The following PCDHGB5 variants were observed in gnomAD, a reference collection of about 807,000 sequenced individuals.
The protein encoded by PCDHGB5 is protocadherin gamma subfamily B, 5.
In PCDHGB5, 48 loss-of-function variants were observed where a neutral mutation model predicts 62.9. The ratio of observed to expected loss-of-function variants is 0.76; its 90% CI spans 0.61 to 0.97. PCDHGB5 has a LOEUF of 0.97. Among genes scored for constraint, PCDHGB5 ranks in the 50% least tolerant of loss-of-function variants. PCDHGB5 has a pLI of 0.00. For missense variants in PCDHGB5, 1,118 were observed against 1,198.6 expected, an observed-to-expected ratio of 0.93 and a Z score of 0.99; for synonymous variants, 474 against 511.2, an observed-to-expected ratio of 0.93 and a Z score of 0.98.
rs1490431965 is a variant in PCDHGB5, at chr5:141,398,469, G to A, written c.342G>A (p.Leu114=). The A allele has an allele frequency of 6.2e-7, 1 of 1,604,084 alleles. No individual in the cohort carries two copies. The highest frequency in any genetic ancestry group is 1.7e-5 in the Admixed American group (1 of 59,704). Residue 114 remains leucine (L), a synonymous_variant, in exon 1 of 4, where the codon CTG becomes CTA. Transcript: ENST00000617380. ...LEFEAVAENP[L]NFYHVNVEIE... ...TTGAGGCTGTTGCTGAAAATCCACT[G>A]AACTTTTATCACGTGAATGTGGAGA...
chr5:141,409,629 C>T (rs1379627250), intron 1 of PCDHGB5: 3 of 1,613,860 alleles, frequency 1.9e-6, no homozygotes, highest in East Asian at 4.5e-5. Flanking sequence ...CAAGTGAGCG[C>T]CTCTGACCCG....
At chr5:141,446,766 C>T (rs1335326278) in intron 1 of PCDHGB5, among the ~76,000 whole-genome samples, 7 of 152,208 alleles carry the variant, frequency 4.6e-5, no homozygotes, top group East Asian at 3.9e-4. Context: ...CGCGCCCAGC[C>T]GGTTACCATT....
chr5:141,424,655 TTTAA>T (rs1162406206), intron 1 of PCDHGB5: 3 of 152,238 alleles, frequency 2.0e-5, no homozygotes, highest in Non-Finnish European at 4.4e-5. Flanking sequence ...GTATTTGGAC[TTTAA>T]TTAAACTGAT....
intron 2 of PCDHGB5, among the ~76,000 whole-genome samples, chr5:141,500,182 A>T (rs1050067271): frequency 4.6e-5 from 6 of 131,718 alleles, no homozygotes; most frequent in African/African-American, 1.9e-4. Context: ...CTTCATTTTT[A>T]TTTTTATTTA....
At chr5:141,449,280 C>G (rs934214922) in intron 1 of PCDHGB5, among the ~76,000 whole-genome samples, 1 of 151,944 alleles carries the variant, frequency 6.6e-6, no homozygotes, top group East Asian at 1.9e-4. Context: ...CTCCTTCACC[C>G]GGATGCACCG....
Position 141,399,953 on chromosome 5 carries a change from A to G in PCDHGB5, c.1826A>G (p.Glu609Gly), listed in dbSNP as rs1257117587. ...TCCTACCACGTGCTGCAGGCTAGCGAGCCCGGGCTCTTCAGCCTGGGGCTG... is the reference window on the plus strand; with the variant it reads ...TCCTACCACGTGCTGCAGGCTAGCGGGCCCGGGCTCTTCAGCCTGGGGCTG... ...WLSYHVLQAS[E>G]PGLFSLGLRT... The change falls in exon 1 of 4, where the codon GAG (glutamate) becomes GGG (glycine). Residue 609 changes from glutamate to glycine, a missense_variant. Physicochemically the swap from Glu to Gly is moderately conservative, Grantham distance 98 (BLOSUM62 -2). This residue lies in a region of PCDHGB5 where 1,034 missense variants were observed against 1,029.1 expected (regional missense o/e 1.00). Coordinates refer to ENST00000617380, the MANE Select transcript of PCDHGB5 (RefSeq NM_018925.3). The G allele has an allele frequency of 2.5e-5, 40 of 1,612,030 alleles. 1 individual carries two copies. Among genetic ancestry groups the G allele is most frequent in the Non-Finnish European group, 3.4e-5 (40 of 1,179,690 alleles).
chr5:141,404,628 C>T (rs1183309479), intron 1 of PCDHGB5: 2 of 1,614,100 alleles, frequency 1.2e-6, no homozygotes, highest in Non-Finnish European at 1.7e-6. Flanking sequence ...AATGACAATG[C>T]CCCAGAAATC....
Position 141,491,349 on chromosome 5 carries a change from C to G in PCDHGB5, c.2398-3458C>G. 6.2e-7 allele frequency: 1 copy of G among 1,614,168 alleles called. No individual in the cohort carries two copies. Among genetic ancestry groups the G allele is most frequent in the Non-Finnish European group, 8.5e-7 (1 of 1,180,016 alleles). ...TTGTGGCTCTAGCGACCGTCAGTCT[C>G]TTATCCCTAGTCACCTTCACCTTTC... is the stretch of plus-strand genomic sequence containing the variant. On this transcript the variant is annotated intron_variant, in intron 1 of 3. Transcript: ENST00000617380. The surrounding 1 kb of genome is among the most constrained non-coding windows in gnomAD (Gnocchi z 6.9).
rs1376914747 is a variant in PCDHGB5, at chr5:141,432,008, A to T, written c.2397+31484A>T. On this transcript the variant is annotated intron_variant, in intron 1 of 3. Coordinates refer to ENST00000617380, the MANE Select transcript of PCDHGB5 (RefSeq NM_018925.3). This position sits in a 1 kb window ranked among gnomAD's most constrained non-coding sequence, Gnocchi z 6.0. ...AGTCTTGGATAGGGAACAGGTTCCT[A>T]GCTACAACATCACAGTGACCGCCAC... 1 of 1,614,200 alleles carries T rather than the reference A, an allele frequency of 6.2e-7. No homozygotes were observed. The highest frequency in any genetic ancestry group is 2.2e-5 in the East Asian group (1 of 44,888).
chr5:141,423,678 G>A (rs1161093615), intron 1 of PCDHGB5: 3 of 1,496,158 alleles, frequency 2.0e-6, no homozygotes, highest in Non-Finnish European at 2.7e-6. Flanking sequence ...TTATTTCTCT[G>A]CCTCCTAATT....
At chr5:141,452,887 C>T (rs1000136303) in intron 1 of PCDHGB5, among the ~76,000 whole-genome samples, 1 of 152,174 alleles carries the variant, frequency 6.6e-6, no homozygotes, top group Non-Finnish European at 1.5e-5. Flanking sequence ...ATAATTTATT[C>T]CACTTTTATT....
At chr5:141,453,042 A>G (rs2098754438) in intron 1 of PCDHGB5, among the ~76,000 whole-genome samples, 1 of 152,116 alleles carries the variant, frequency 6.6e-6, no homozygotes, top group Non-Finnish European at 1.5e-5. Context: ...GTTTGTTTCT[A>G]TTATGTGCAG....
At chr5:141,429,613 G>A (rs1374650357) in intron 1 of PCDHGB5, among the ~76,000 whole-genome samples, 2 of 152,084 alleles carry the variant, frequency 1.3e-5, no homozygotes, top group African/African-American at 2.4e-5. Flanking sequence ...TCAATTTTAT[G>A]TCTGATATTT....
intron 1 of PCDHGB5, among the ~76,000 whole-genome samples, chr5:141,455,250 A>C (rs1016027355): frequency 2.0e-5 from 3 of 152,172 alleles, no homozygotes; most frequent in Non-Finnish European, 2.9e-5. Flanking sequence ...GTCATAGTAC[A>C]ATCGCATTTC....
rs537087639 is a variant in PCDHGB5 at position 141,510,502 on chromosome 5, G to A, written c.2546-445G>A. 3.3e-5 allele frequency among the ~76,000 whole-genome samples: 5 copies of A among 152,296 alleles called. No homozygotes were observed. The South Asian group carries it at 6.2e-4, about 19-fold the overall frequency. ...CTTGAGAAAGCCAGGGCAAGGAACTGAGAGCCCGTGTCACAGCCCTGAGAG... is the reference window on the plus strand; with the variant it reads ...CTTGAGAAAGCCAGGGCAAGGAACTAAGAGCCCGTGTCACAGCCCTGAGAG... On this transcript the variant is annotated intron_variant, in intron 3 of 3. Coordinates refer to ENST00000617380, the MANE Select transcript of PCDHGB5 (RefSeq NM_018925.3).
chr5:141,482,383 G>A (rs1594230401), intron 1 of PCDHGB5, among the ~76,000 whole-genome samples: 2 of 152,240 alleles, frequency 1.3e-5, no homozygotes, highest in East Asian at 3.9e-4. Context: ...TAAAGTCCCT[G>A]TATGGAGCAA....
Position 141,431,674 on chromosome 5 carries a change from G to T in PCDHGB5, c.2397+31150G>T. 6.2e-7 allele frequency: 1 copy of T among 1,614,234 alleles called. No homozygotes were observed. ...ATTCAGGGACAATATCAACAATAGG[G>T]GAGTTGGACCACGAGGAGTCAGGAT... is the stretch of plus-strand genomic sequence containing the variant. On this transcript the variant is annotated intron_variant, in intron 1 of 3. Transcript: ENST00000617380. This position sits in a 1 kb window ranked among gnomAD's most constrained non-coding sequence, Gnocchi z 4.8.
chr5:141,500,104 T>G (rs917633032), intron 2 of PCDHGB5, among the ~76,000 whole-genome samples: 4 of 152,124 alleles, frequency 2.6e-5, no homozygotes, highest in Non-Finnish European at 4.4e-5. Flanking sequence ...AATTTATTTG[T>G]TGAATCCCTG....
chr5:141,478,633 TGATGAA>T, intron 1 of PCDHGB5: 4 of 1,553,032 alleles, frequency 2.6e-6, no homozygotes, highest in Non-Finnish European at 3.5e-6. Flanking sequence ...GTTTTTTTAG[TGATGAA>T]GATGTTTTCC....
Sources: gnomAD v4.1 joint callset for allele counts (sites outside exome capture counted in the v4.1 genomes callset) on GRCh38, gnomAD v4.1.1 for gene constraint, gnomAD v4.1.1 regional missense constraint, Gnocchi (gnomAD v3.1) non-coding constraint, MANE v1.5 for transcripts, NCBI Gene and HGNC (gene_info 2026-07-23, HGNC 2026-07-21) for gene names.